The following DGKH variants were observed in gnomAD, a reference collection of about 807,000 sequenced individuals.
DGKH encodes the protein diacylglycerol kinase eta.
In DGKH, 90 loss-of-function variants were observed where a neutral mutation model predicts 159.3. The ratio of observed to expected loss-of-function variants is 0.57; its 90% CI spans 0.48 to 0.67. DGKH has a LOEUF of 0.67. DGKH is among the 30% of genes least tolerant of loss of function. The pLI is 0.00. For synonymous variants in DGKH, 536 were observed against 553.8 expected (o/e 0.97, Z 0.45); for missense variants, 1,181 against 1,506.1 (o/e 0.78, Z 3.57).
intron 6 of DGKH, among the ~76,000 whole-genome samples, chr13:42,159,575 G>T (rs374703676): frequency 6.6e-6 from 1 of 152,016 alleles, no homozygotes; most frequent in Non-Finnish European, 1.5e-5. Flanking sequence ...TGTGAATAGG[G>T]CTTAGAAGTG....
rs184096555 is a variant in DGKH, at chr13:42,226,472, T to C, written c.3574-2627T>C. On this transcript the variant is annotated intron_variant, in intron 29 of 29. Transcript: ENST00000337343. ...TATATACCCACAGGAATATAAATCATTGTATTATAAAGATACATGCACACA... is the reference window on the plus strand; with the variant it reads ...TATATACCCACAGGAATATAAATCACTGTATTATAAAGATACATGCACACA... Among the ~76,000 whole-genome samples, 270 of 152,300 alleles carry C rather than the reference T, an allele frequency of 1.8e-3. 1 individual carries two copies. The highest frequency in any genetic ancestry group is 6.1e-3 in the African/African-American group (254 of 41,572).
intron 1 of DGKH, among the ~76,000 whole-genome samples, chr13:42,051,341 A>G (rs1353379045): frequency 2.0e-5 from 3 of 152,220 alleles, no homozygotes; most frequent in Non-Finnish European, 4.4e-5. Flanking sequence ...AGATTCTGAG[A>G]CCAGTGAGCT....
chr13:42,068,869 CTA>C, intron 1 of DGKH: 1 of 794,928 alleles, frequency 1.3e-6, no homozygotes, highest in Non-Finnish European at 1.8e-6. Flanking sequence ...GACTTAAACT[CTA>C]GTAATAAAAA....
rs1566115523 is a variant in DGKH at position 42,127,482 on chromosome 13, A to G, written c.212A>G (p.Gln71Arg). 6.2e-7 allele frequency: 1 copy of G among 1,613,722 alleles called. No homozygotes were observed. Among genetic ancestry groups the G allele is most frequent in the South Asian group, 1.1e-5 (1 of 91,070 alleles). ...CTCTAGACCAGTATTAAAGAGGGAC[A>G]GCTATTGAAGCAAACCAGTTCTTTC... is the stretch of plus-strand genomic sequence containing the variant. ...IRTKTSIKEG[Q>R]LLKQTSSFQR... Residue 71 changes from glutamine to arginine, a missense_variant, in exon 2 of 30, where the codon CAG (glutamine) becomes CGG (arginine). Around this residue, in one of 5 missense-constraint regions of DGKH, gnomAD observed 136 missense variants for 132.2 expected, o/e 1.03. Transcript: ENST00000337343.
intron 15 of DGKH, 129 bp downstream of exon 15, chr13:42,189,438 A>G (rs1259573856): frequency 8.0e-7 from 1 of 1,248,010 alleles, no homozygotes; most frequent in Admixed American, 2.7e-5. Flanking sequence ...GATAGAAGAT[A>G]CAGTCATTAT....
intron 7 of DGKH, among the ~76,000 whole-genome samples, chr13:42,160,437 T>C (rs1042343807): frequency 6.6e-6 from 1 of 152,240 alleles, no homozygotes; most frequent in African/African-American, 2.4e-5. Context: ...TTCAGGCCTA[T>C]TTTACTACCT....
In DGKH at chr13:42,230,027, A is replaced by G. The variant is rs1386635716; in HGVS notation, c.*839A>G. 1.3e-5 allele frequency: 2 copies of G among 152,200 alleles called. No homozygotes were observed. The highest frequency in any genetic ancestry group is 4.8e-5 in the African/African-American group (2 of 41,452). 9.4% of individuals were successfully genotyped at this position (152,200 alleles called of 1,614,324 possible). On this transcript the variant is annotated 3_prime_UTR_variant, in exon 30 of 30. Coordinates refer to ENST00000337343, the MANE Select transcript of DGKH (RefSeq NM_178009.5). ...AATTTTATTTCAATCTATCATAAGC[A>G]GTAGGCGTGCACGTTAAGAAAATTC... is the stretch of plus-strand genomic sequence containing the variant.
chr13:42,159,907 C>T lies in DGKH; in HGVS notation c.730-104C>T, dbSNP rs768681087. On this transcript the variant is annotated intron_variant, in intron 6 of 29. Coordinates refer to ENST00000337343, the MANE Select transcript of DGKH (RefSeq NM_178009.5). ...AAATGAGTGAATGCTATGCATGAAA[C>T]GTACTACTGACCCTCTAGAGTGAGA... 222 of 1,530,696 alleles carry T rather than the reference C, an allele frequency of 1.5e-4. 4 individuals carry two copies. The highest frequency in any genetic ancestry group is 1.3e-3 in the South Asian group (112 of 85,070). The allele number at this position is 1,530,696 out of a possible 1,614,324, so 94.8% of individuals were successfully genotyped here. A position where few individuals can be genotyped will look rare whatever the true frequency, so the allele number is the denominator to read the frequency against.
At chr13:42,079,139 C>A (rs7330128) in intron 1 of DGKH, among the ~76,000 whole-genome samples, 2,144 of 152,038 alleles carry the variant, frequency 0.014, 53 homozygotes, top group African/African-American at 0.048. Flanking sequence ...TGGTCTTGAA[C>A]TACTGACCTC....
intron 2 of DGKH, 139 bp downstream of exon 2, chr13:42,127,712 G>T (rs1462795103): frequency 3.1e-6 from 2 of 648,466 alleles, no homozygotes; most frequent in Non-Finnish European, 5.4e-6. Context: ...GTGATCTATC[G>T]GTGACCCCAT....
chr13:42,136,096 C>T (rs1955397501), intron 3 of DGKH, among the ~76,000 whole-genome samples: 1 of 152,156 alleles, frequency 6.6e-6, no homozygotes, highest in African/African-American at 2.4e-5. Flanking sequence ...AACAAGAGTA[C>T]CTACCTCATA....
rs766194972 is a variant in DGKH at position 42,190,501 on chromosome 13, G to A, written c.2011G>A (p.Asp671Asn). 8 of 1,602,948 alleles carry A rather than the reference G, an allele frequency of 5.0e-6. No homozygotes were observed. The highest frequency in any genetic ancestry group is 6.8e-6 in the Non-Finnish European group (8 of 1,176,154). The change falls in exon 16 of 30, where the codon GAT becomes AAT. Residue 671 changes from aspartate to asparagine, a missense_variant. Transcript: ENST00000337343. ...TGAATCTAAGGAGGAAGCTAAAGAT[G>A]ATGGTGCCAAAGAATCAATAACTGG... ...TDESKEEAKD[D>N]GAKESITVKT...
At chr13:42,068,236 T>A (rs1354209040) in intron 1 of DGKH, among the ~76,000 whole-genome samples, 2 of 152,212 alleles carry the variant, frequency 1.3e-5, no homozygotes, top group Non-Finnish European at 2.9e-5. Context: ...TTAATTTTTA[T>A]AATTAAATAC....
At chr13:42,163,873 C>A (rs189327100) in intron 7 of DGKH, among the ~76,000 whole-genome samples, 2 of 152,200 alleles carry the variant, frequency 1.3e-5, no homozygotes, top group Admixed American at 6.5e-5. Flanking sequence ...TTAATTAGAT[C>A]CCATTTGTCA....
intron 3 of DGKH, chr13:42,138,201 C>A (rs1233676826): frequency 3.9e-6 from 3 of 759,770 alleles, no homozygotes; most frequent in African/African-American, 3.8e-5. Flanking sequence ...GGGCTCTCAG[C>A]TCTTGATGTT....
chr13:42,065,271 A>G (rs1882480131), intron 1 of DGKH, among the ~76,000 whole-genome samples: 2 of 152,220 alleles, frequency 1.3e-5, no homozygotes, highest in Non-Finnish European at 2.9e-5. Context: ...TAGATTGAGT[A>G]TCATCTAAGT....
intron 25 of DGKH, 36 bp downstream of exon 25, chr13:42,214,648 TC>T: frequency 6.3e-7 from 1 of 1,599,300 alleles, no homozygotes; most frequent in East Asian, 2.2e-5. Context: ...TTCCACAGAT[TC>T]TTTTGGGTGT....
intron 17 of DGKH, among the ~76,000 whole-genome samples, chr13:42,196,869 G>A (rs1957214038): frequency 6.6e-6 from 1 of 152,212 alleles, no homozygotes; most frequent in Admixed American, 6.5e-5. Flanking sequence ...TTCAGGTTTA[G>A]ATGCTGTGTT....
chr13:42,168,979 A>G (rs1396404099), intron 11 of DGKH, among the ~76,000 whole-genome samples, 161 bp downstream of exon 11: 1 of 152,204 alleles, frequency 6.6e-6, no homozygotes, highest in Non-Finnish European at 1.5e-5. Context: ...CCTGAGATGG[A>G]GAACAGGGCC....
Sources: gnomAD v4.1 joint callset for allele counts (sites outside exome capture counted in the v4.1 genomes callset) on GRCh38, gnomAD v4.1.1 for gene constraint, gnomAD v4.1.1 regional missense constraint, MANE v1.5 for transcripts, NCBI Gene and HGNC (gene_info 2026-07-23, HGNC 2026-07-21) for gene names.